Variants in PLEKHA1 observed in about 807,000 individuals in gnomAD.
PLEKHA1 encodes the protein pleckstrin homology domain-containing family A member 1.
In PLEKHA1, 34 loss-of-function variants were observed where a neutral mutation model predicts 52.0. The ratio of observed to expected loss-of-function variants is 0.65; its 90% CI spans 0.50 to 0.87. The LOEUF (loss-of-function observed/expected upper bound fraction) is 0.87, where lower values mean the gene tolerates loss of function less well. Among genes scored for constraint, PLEKHA1 ranks in the 40% least tolerant of loss-of-function variants. The pLI is 0.00. For missense variants in PLEKHA1, 497 were observed against 504.2 expected (o/e 0.99, Z 0.14); for synonymous variants, 163 against 170.7 (o/e 0.95, Z 0.35).
intron 10 of PLEKHA1, among the ~76,000 whole-genome samples, chr10:122,425,882 C>G (rs993092760): frequency 5.3e-5 from 8 of 152,018 alleles, no homozygotes; most frequent in African/African-American, 1.9e-4. Flanking sequence ...ATTTTGCTCC[C>G]TTTCTTAAGG....
intron 11 of PLEKHA1, among the ~76,000 whole-genome samples, chr10:122,428,685 A>G (rs1046372859): frequency 6.6e-6 from 1 of 152,216 alleles, no homozygotes; most frequent in African/African-American, 2.4e-5. Flanking sequence ...AATATATGCA[A>G]ACTAATGCAT....
intron 5 of PLEKHA1, among the ~76,000 whole-genome samples, chr10:122,409,426 T>G (rs949855424): frequency 6.6e-6 from 1 of 152,176 alleles, no homozygotes; most frequent in Admixed American, 6.5e-5. Flanking sequence ...CACTGTTCAT[T>G]TATAGTGGAA....
chr10:122,397,375 T>TC (rs907348973), intron 2 of PLEKHA1, among the ~76,000 whole-genome samples: 1 of 151,938 alleles, frequency 6.6e-6, no homozygotes, highest in Non-Finnish European at 1.5e-5. Context: ...GTGCCTACAT[T>TC]CCCTGCATAT....
intron 7 of PLEKHA1, chr10:122,416,934 G>C (rs1236508818): frequency 6.5e-6 from 1 of 154,438 alleles, no homozygotes; most frequent in Non-Finnish European, 1.5e-5. Context: ...GGTGAGGGCA[G>C]GGGTTTCTTA....
intron 11 of PLEKHA1, chr10:122,428,146 T>G: frequency 3.6e-6 from 3 of 828,896 alleles, no homozygotes; most frequent in Non-Finnish European, 4.9e-6. Context: ...TGGAGAAGGA[T>G]GTTTGTGTTT....
At chr10:122,397,188 C>T (rs2096862348) in intron 2 of PLEKHA1, among the ~76,000 whole-genome samples, 1 of 152,022 alleles carries the variant, frequency 6.6e-6, no homozygotes, top group African/African-American at 2.4e-5. Context: ...GGAATATTCT[C>T]CCCTGCTTTT....
the PLEKHA1 span, chr10:122,442,314 CTTTGT>C: frequency 6.6e-6 from 1 of 151,580 alleles, no homozygotes; most frequent in East Asian, 1.9e-4. Flanking sequence ...AGACAAGAAT[CTTTGT>C]TTTGTTTAAA....
At chr10:122,413,703 A>G (rs1383560028) in intron 6 of PLEKHA1, among the ~76,000 whole-genome samples, 1 of 152,092 alleles carries the variant, frequency 6.6e-6, no homozygotes, top group Non-Finnish European at 1.5e-5. Flanking sequence ...ATTTTTGATG[A>G]AATTAAAACT....
intron 4 of PLEKHA1, among the ~76,000 whole-genome samples, chr10:122,400,636 T>C (rs1182588033): frequency 6.6e-6 from 1 of 152,230 alleles, no homozygotes; most frequent in African/African-American, 2.4e-5. Flanking sequence ...AACTGTTATT[T>C]TGGCATTTAT....
At position 122,396,896 on chromosome 10, in the gene PLEKHA1, CAGTT is replaced by C. The variant is rs1590450919; in HGVS notation, c.142-1021_142-1018del. Among the ~76,000 whole-genome samples the C allele has an allele frequency of 4.6e-5, 7 of 152,166 alleles. No individual in the cohort carries two copies. The South Asian group carries it at 8.3e-4, about 18-fold the overall frequency. ...CTATCTTCCTCTTCTATAATCCCTT[CAGTT>C]TATTATAAGATATATTATAAAAAGA... is the stretch of plus-strand genomic sequence containing the variant. On this transcript the variant is annotated intron_variant, in intron 2 of 11. Transcript: ENST00000368990.
chr10:122,385,311 C>CTTT lies in PLEKHA1; in HGVS notation c.-20-7849_-20-7847dup, dbSNP rs1196217497. Among the ~76,000 whole-genome samples the CTTT allele has an allele frequency of 3.7e-3, 353 of 96,476 alleles. 5 individuals carry two copies. Among genetic ancestry groups the CTTT allele is most frequent in the South Asian group, 0.015 (38 of 2,486 alleles). The allele number at this position is 96,476 out of a possible 152,430, so 63.3% of individuals were successfully genotyped here. ...AAAGGCTGTATCCTTTTGTGTCTGG[C>CTTT]TTTTTTTTTTTTTTTTTTTTTTTGA... is the stretch of plus-strand genomic sequence containing the variant. On this transcript the variant is annotated intron_variant, in intron 1 of 11. Transcript: ENST00000368990.
In PLEKHA1 at chr10:122,400,406, A is replaced by G. The variant is rs113652616; in HGVS notation, c.244+18A>G. ...CTGTTTTGGTAAGTAGCCATGTTAT[A>G]TATATTTTAAATAGACTGATATAAT... is the stretch of plus-strand genomic sequence containing the variant. On this transcript the variant is annotated intron_variant, in intron 4 of 11. Transcript: ENST00000368990. 29 of 1,596,778 alleles carry G rather than the reference A, an allele frequency of 1.8e-5. 2 individuals carry two copies. The African/African-American group carries it at 2.0e-4, about 11-fold the overall frequency.
At chr10:122,400,787 T>G (rs2096917161) in intron 4 of PLEKHA1, among the ~76,000 whole-genome samples, 2 of 152,338 alleles carry the variant, frequency 1.3e-5, no homozygotes, top group Non-Finnish European at 2.9e-5. Flanking sequence ...TAGGAGTAGT[T>G]GAGGGTATTG....
At chr10:122,377,406 A>G (rs922203669) in intron 1 of PLEKHA1, among the ~76,000 whole-genome samples, 1 of 152,170 alleles carries the variant, frequency 6.6e-6, no homozygotes, top group Non-Finnish European at 1.5e-5. Flanking sequence ...AGATTAAAAA[A>G]TCTTGTTTTA....
In PLEKHA1 at chr10:122,431,526, T is replaced by C. The variant is rs1158665942; in HGVS notation, c.*1588T>C. ...ATTTTGCCATTTTACAGTACTGTTT[T>C]GTTTTGAATTCATGCATATCATTGA... On this transcript the variant is annotated 3_prime_UTR_variant, in exon 12 of 12. Transcript: ENST00000368990. The C allele has an allele frequency of 6.6e-6, 1 of 152,656 alleles. No homozygotes were observed. Among genetic ancestry groups the C allele is most frequent in the Non-Finnish European group, 1.5e-5 (1 of 68,046 alleles). The allele number at this position is 152,656 out of a possible 1,614,324, so 9.5% of individuals were successfully genotyped here.
rs1051635799 is a variant in PLEKHA1 at position 122,393,601 on chromosome 10, A to C, written c.141+260A>C. Among the ~76,000 whole-genome samples the C allele has an allele frequency of 6.6e-6, 1 of 152,124 alleles. No individual in the cohort carries two copies. The highest frequency in any genetic ancestry group is 2.4e-5 in the African/African-American group (1 of 41,430). On this transcript the variant is annotated intron_variant, in intron 2 of 11. Coordinates refer to ENST00000368990, the MANE Select transcript of PLEKHA1 (RefSeq NM_001001974.4). The surrounding 1 kb of genome is among the most constrained non-coding windows in gnomAD (Gnocchi z 4.5). ...GAGAGAAATACTCTCTCTGGTGGCA[A>C]ATTAGGTTTTAGAAAATTAGAACTT...
intron 5 of PLEKHA1, among the ~76,000 whole-genome samples, chr10:122,407,242 T>G (rs2097031254): frequency 6.6e-6 from 1 of 152,170 alleles, no homozygotes. Flanking sequence ...CATGTCTGAT[T>G]TTTTTCCTTG....
At chr10:122,379,248 C>T (rs944433414) in intron 1 of PLEKHA1, among the ~76,000 whole-genome samples, 1 of 152,056 alleles carries the variant, frequency 6.6e-6, no homozygotes, top group African/African-American at 2.4e-5. Flanking sequence ...CTCTCTGCAG[C>T]GAGATATTTT....
intron 4 of PLEKHA1, among the ~76,000 whole-genome samples, chr10:122,401,583 T>G (rs1038534373): frequency 2.6e-5 from 4 of 152,098 alleles, no homozygotes; most frequent in Non-Finnish European, 5.9e-5. Context: ...GGTAAAATGT[T>G]TGCTATGGAG....
Sources: gnomAD v4.1 joint callset for allele counts (sites outside exome capture counted in the v4.1 genomes callset) on GRCh38, gnomAD v4.1.1 for gene constraint, Gnocchi (gnomAD v3.1) non-coding constraint, MANE v1.5 for transcripts, NCBI Gene and HGNC (gene_info 2026-07-23, HGNC 2026-07-21) for gene names.